Variants in CEP85L observed in about 807,000 individuals in gnomAD.
The protein encoded by CEP85L is centrosomal protein 85L, also known as centrosomal protein of 85 kDa-like.
CEP85L carries 60 observed loss-of-function variants against 100.3 expected under a neutral mutation model. That is an observed-to-expected ratio of 0.60 (90% CI 0.49 to 0.74). CEP85L has a LOEUF of 0.74. Among genes scored for constraint, CEP85L ranks in the 30% least tolerant of loss-of-function variants. The pLI, the probability that CEP85L is intolerant of heterozygous loss-of-function variation, is 0.00. For missense variants in CEP85L, 973 were observed against 936.2 expected (o/e 1.04, Z -0.51); for synonymous variants, 319 against 322.7 (o/e 0.99, Z 0.12).
chr6:118,624,982 T>C (rs1773690466), intron 2 of CEP85L, among the ~76,000 whole-genome samples: 1 of 152,236 alleles, frequency 6.6e-6, no homozygotes, highest in East Asian at 1.9e-4. Context: ...ACAATCCAAC[T>C]AACTACTGGA....
chr6:118,650,433 G>C (rs547076398), intron 1 of CEP85L, among the ~76,000 whole-genome samples: 10 of 152,288 alleles, frequency 6.6e-5, no homozygotes, highest in African/African-American at 2.4e-4. Flanking sequence ...TGAAATGGCT[G>C]TCCGATACAA....
At chr6:118,491,172 CCTTCT>C (rs1774532368) in intron 6 of CEP85L, among the ~76,000 whole-genome samples, 2 of 144,676 alleles carry the variant, frequency 1.4e-5, no homozygotes, top group South Asian at 4.4e-4. Flanking sequence ...AAAATCATTC[CCTTCT>C]ATTTCATACC....
intron 2 of CEP85L, among the ~76,000 whole-genome samples, chr6:118,625,817 C>T (rs1411105996): frequency 6.6e-6 from 1 of 152,204 alleles, no homozygotes; most frequent in East Asian, 1.9e-4. Flanking sequence ...CTATCACTCG[C>T]CTTCGGTCCC....
intron 3 of CEP85L, among the ~76,000 whole-genome samples, chr6:118,554,487 G>C (rs920657897): frequency 2.6e-5 from 4 of 152,174 alleles, no homozygotes; most frequent in African/African-American, 9.6e-5. Flanking sequence ...AATAGTTTTA[G>C]TCATAAAAAT....
chr6:118,466,852 G>A (rs1772560286), intron 12 of CEP85L, among the ~76,000 whole-genome samples: 1 of 152,086 alleles, frequency 6.6e-6, no homozygotes, highest in Non-Finnish European at 1.5e-5. Context: ...ACCAGTATAG[G>A]TGACGGGTTA....
intron 2 of CEP85L, among the ~76,000 whole-genome samples, chr6:118,591,195 G>A (rs1781170960): frequency 1.3e-5 from 2 of 152,200 alleles, no homozygotes; most frequent in South Asian, 2.1e-4. Context: ...TACTAGAGCT[G>A]AGGCAGGAGA....
In CEP85L at chr6:118,461,811, A is replaced by T. The variant is rs897421921; in HGVS notation, c.*3594T>A. ...AGTTTCAAATGATATAGTCTGAGTG[A>T]GCATGGTTATGAAAATTGCTTATTA... On this transcript the variant is annotated 3_prime_UTR_variant, in exon 13 of 13. Transcript: ENST00000368491. The T allele has an allele frequency of 1.3e-5, 2 of 152,168 alleles. No individual in the cohort carries two copies. Among genetic ancestry groups the T allele is most frequent in the East Asian group, 3.9e-4 (2 of 5,190 alleles). 9.4% of individuals were successfully genotyped at this position (152,168 alleles called of 1,614,324 possible). A position where few individuals can be genotyped will look rare whatever the true frequency, so the allele number is the denominator to read the frequency against.
intron 3 of CEP85L, among the ~76,000 whole-genome samples, chr6:118,539,847 C>A (rs1222820232): frequency 6.6e-6 from 1 of 152,098 alleles, no homozygotes; most frequent in African/African-American, 2.4e-5. Flanking sequence ...CTTTTCCTAC[C>A]ATTTACATAT....
chr6:118,469,565 T>C (rs764968323), intron 11 of CEP85L, among the ~76,000 whole-genome samples: 43 of 152,256 alleles, frequency 2.8e-4, no homozygotes, highest in Middle Eastern at 3.4e-3. Flanking sequence ...CCAGTCTCAG[T>C]TTCTAGGAGT....
chr6:118,523,150 T>C (rs538215448), intron 4 of CEP85L, among the ~76,000 whole-genome samples: 40 of 152,296 alleles, frequency 2.6e-4, no homozygotes, highest in African/African-American at 9.1e-4. Context: ...TATCATGATA[T>C]ACAACATATT....
chr6:118,508,018 A>T lies in CEP85L; in HGVS notation c.1257+3280T>A, dbSNP rs561858491. On this transcript the variant is annotated intron_variant, in intron 5 of 12. Coordinates refer to ENST00000368491, the MANE Select transcript of CEP85L (RefSeq NM_001042475.3). Reference sequence around the variant, plus strand: ...TGGAACCTTATCCATAGTTAAGATAAACAATTTTTAAGGAAATGGATAAAT... The same window carrying T: ...TGGAACCTTATCCATAGTTAAGATATACAATTTTTAAGGAAATGGATAAAT... 4.6e-5 allele frequency among the ~76,000 whole-genome samples: 7 copies of T among 152,360 alleles called. No homozygotes were observed. In the South Asian group the frequency reaches 1.4e-3, roughly 32 times the overall value.
At chr6:118,624,959 G>T (rs938844953) in intron 2 of CEP85L, among the ~76,000 whole-genome samples, 7 of 152,170 alleles carry the variant, frequency 4.6e-5, no homozygotes, top group Non-Finnish European at 7.3e-5. Context: ...AGGAATGCAG[G>T]AGGCCTCTCC....
upstream of CEP85L, chr6:118,651,627 G>A: frequency 2.9e-6 from 3 of 1,037,292 alleles, no homozygotes; most frequent in Non-Finnish European, 3.5e-6. Context: ...AGCCGGGGCT[G>A]GGGCCGCGAG....
chr6:118,634,724 A>G (rs1199571621), intron 1 of CEP85L, among the ~76,000 whole-genome samples: 3 of 141,814 alleles, frequency 2.1e-5, no homozygotes, highest in Non-Finnish European at 4.6e-5. Flanking sequence ...TCTATACCAA[A>G]ATTTTTTTTC....
At chr6:118,693,860 G>A (rs373026676) in intron 1 of CEP85L, among the ~76,000 whole-genome samples, 1 of 152,158 alleles carries the variant, frequency 6.6e-6, no homozygotes, top group South Asian at 2.1e-4. Flanking sequence ...CTCTCTTCAT[G>A]TTTGCAAAAT....
intron 3 of CEP85L, among the ~76,000 whole-genome samples, chr6:118,551,436 C>A (rs999166639): frequency 1.1e-4 from 16 of 151,890 alleles, no homozygotes; most frequent in African/African-American, 3.9e-4. Flanking sequence ...TCCCCATATT[C>A]TCTTCCCCCA....
chr6:118,614,861 C>CA (rs1772911431), intron 2 of CEP85L, among the ~76,000 whole-genome samples: 3 of 142,144 alleles, frequency 2.1e-5, no homozygotes, highest in Admixed American at 7.1e-5. Flanking sequence ...GACAGACAGA[C>CA]AGACAGATAG....
intron 3 of CEP85L, among the ~76,000 whole-genome samples, chr6:118,558,341 G>A (rs1338686430): frequency 6.6e-6 from 1 of 152,106 alleles, no homozygotes; most frequent in Non-Finnish European, 1.5e-5. Context: ...TCTTTATTGA[G>A]AAGTTTGGTG....
intron 6 of CEP85L, among the ~76,000 whole-genome samples, chr6:118,488,410 G>A (rs975918861): frequency 1.3e-5 from 2 of 150,976 alleles, no homozygotes; most frequent in Admixed American, 6.6e-5. Flanking sequence ...CACTAGAGAG[G>A]GTCAAAAGCA....
Sources: gnomAD v4.1 joint callset for allele counts (sites outside exome capture counted in the v4.1 genomes callset) on GRCh38, gnomAD v4.1.1 for gene constraint, MANE v1.5 for transcripts, NCBI Gene and HGNC (gene_info 2026-07-23, HGNC 2026-07-21) for gene names.